Variants in CHKA observed in about 807,000 individuals in gnomAD.
CHKA encodes the protein choline kinase alpha, also known as CHETK-alpha.
A neutral mutation model predicts 60.1 loss-of-function variants in CHKA; 34 were observed. The ratio of observed to expected loss-of-function variants is 0.57; its 90% CI spans 0.43 to 0.75. The LOEUF (loss-of-function observed/expected upper bound fraction) is 0.75. Among genes scored for constraint, CHKA ranks in the 30% least tolerant of loss-of-function variants. The pLI, the probability that CHKA is intolerant of heterozygous loss-of-function variation, is 0.00. For synonymous variants in CHKA, 217 were observed against 223.1 expected, an observed-to-expected ratio of 0.97 and a Z score of 0.24; for missense variants, 563 against 561.3, an observed-to-expected ratio of 1.00 and a Z score of -0.03.
chr11:68,072,610 A>G (rs915450583), intron 4 of CHKA, among the ~76,000 whole-genome samples: 2 of 151,916 alleles, frequency 1.3e-5, no homozygotes, highest in African/African-American at 2.4e-5. Context: ...GTTGAATCAA[A>G]TGAAACTGCC....
chr11:68,064,429 A>T, intron 10 of CHKA, 96 bp downstream of exon 10: 1 of 587,436 alleles, frequency 1.7e-6, no homozygotes, highest in Admixed American at 4.0e-5. Context: ...AAGAAGAAGA[A>T]GCTCTAAAAT....
intron 11 of CHKA, among the ~76,000 whole-genome samples, chr11:68,057,145 C>G (rs1565170229): frequency 6.6e-6 from 1 of 152,292 alleles, no homozygotes; most frequent in East Asian, 1.9e-4. Flanking sequence ...GGGAGAACCA[C>G]CCCTGACGTG....
intron 11 of CHKA, among the ~76,000 whole-genome samples, chr11:68,055,552 A>C (rs1163221519): frequency 6.6e-6 from 1 of 152,232 alleles, no homozygotes; most frequent in Non-Finnish European, 1.5e-5. Context: ...GCAGCAGCGC[A>C]TGCGCATTCC....
intron 2 of CHKA, 200 bp from the exon 3 acceptor site, chr11:68,081,657 A>G: frequency 1.9e-6 from 1 of 513,888 alleles, no homozygotes; most frequent in Non-Finnish European, 3.5e-6. Flanking sequence ...AAAGTGCTTC[A>G]TTGCTTTACG....
chr11:68,108,796 C>A (rs1444408816), intron 1 of CHKA, among the ~76,000 whole-genome samples: 1 of 152,174 alleles, frequency 6.6e-6, no homozygotes, highest in Non-Finnish European at 1.5e-5. Flanking sequence ...ATTGGACAGA[C>A]AGACCGGCAG....
intron 1 of CHKA, among the ~76,000 whole-genome samples, chr11:68,115,373 G>T (rs968189049): frequency 6.6e-6 from 1 of 152,200 alleles, no homozygotes; most frequent in East Asian, 1.9e-4. Flanking sequence ...GCAAGAATAG[G>T]ATGTAGTGTG....
chr11:68,063,816 C>T (rs1352821263), intron 10 of CHKA, among the ~76,000 whole-genome samples: 4 of 152,172 alleles, frequency 2.6e-5, no homozygotes. Context: ...TTCTCTATCT[C>T]TCTGCCCCTC....
rs181432395 is a variant in CHKA at position 68,095,561 on chromosome 11, G to A, written c.462+1458C>T. On this transcript the variant is annotated intron_variant, in intron 2 of 11. Transcript: ENST00000265689. ...CGTCTCTACTAAAAATACAAAAAGT[G>A]AGCCAGGCGTGGTGGCAGGCACCTG... Among the ~76,000 whole-genome samples the A allele has an allele frequency of 3.4e-3, 474 of 137,744 alleles. 2 individuals carry two copies. Among genetic ancestry groups the A allele is most frequent in the African/African-American group, 0.012 (441 of 36,868 alleles). 90.4% of individuals were successfully genotyped at this position (137,744 alleles called of 152,430 possible). A position where few individuals can be genotyped will look rare whatever the true frequency, so the allele number is the denominator to read the frequency against.
intron 1 of CHKA, among the ~76,000 whole-genome samples, chr11:68,106,828 G>A (rs1227962715): frequency 2.0e-5 from 3 of 152,186 alleles, no homozygotes; most frequent in East Asian, 1.9e-4. Flanking sequence ...CAGCCTTGAC[G>A]CTTTGTATCT....
chr11:68,065,158 G>A (rs572156118), intron 9 of CHKA, among the ~76,000 whole-genome samples: 3 of 152,134 alleles, frequency 2.0e-5, no homozygotes, highest in Non-Finnish European at 4.4e-5. Context: ...TCTCTCCATA[G>A]TGTGAAATGA....
intron 1 of CHKA, among the ~76,000 whole-genome samples, chr11:68,100,937 CTTTTTTTT>C (rs758101816): frequency 2.6e-5 from 2 of 78,212 alleles, no homozygotes; most frequent in Non-Finnish European, 2.5e-5. Context: ...TAAAGAGGTT[CTTTTTTTT>C]TTTTTTTTTT....
intron 10 of CHKA, among the ~76,000 whole-genome samples, chr11:68,063,050 C>T (rs891914667): frequency 4.0e-4 from 61 of 152,166 alleles, no homozygotes; most frequent in African/African-American, 1.4e-3. Flanking sequence ...GACCTTTGCA[C>T]AATCTGGAAG....
At chr11:68,060,734 T>C (rs1181387040) in intron 11 of CHKA, among the ~76,000 whole-genome samples, 1 of 152,236 alleles carries the variant, frequency 6.6e-6, no homozygotes, top group Non-Finnish European at 1.5e-5. Flanking sequence ...ATGCCTTTAT[T>C]ATCACAAAAT....
chr11:68,092,537 C>T (rs1857383247), intron 2 of CHKA, among the ~76,000 whole-genome samples: 1 of 152,202 alleles, frequency 6.6e-6, no homozygotes, highest in Admixed American at 6.5e-5. Flanking sequence ...CTAAAGCACA[C>T]AGCAGCTGTT....
intron 1 of CHKA, among the ~76,000 whole-genome samples, chr11:68,099,153 G>T (rs1857614854): frequency 6.6e-6 from 1 of 152,154 alleles, no homozygotes; most frequent in Non-Finnish European, 1.5e-5. Context: ...ATTAGTGGTT[G>T]CCAGGAGCTG....
intron 7 of CHKA, 131 bp from the exon 8 acceptor site, chr11:68,066,647 T>C: frequency 1.4e-6 from 1 of 726,788 alleles, no homozygotes; most frequent in South Asian, 1.7e-5. Flanking sequence ...TCTGTGGACA[T>C]CACCAGGGCC....
chr11:68,099,541 G>A (rs1377388672), intron 1 of CHKA, among the ~76,000 whole-genome samples: 1 of 152,142 alleles, frequency 6.6e-6, no homozygotes, highest in Non-Finnish European at 1.5e-5. Context: ...AAAATAAAAG[G>A]GAACCCAAAG....
At chr11:68,082,525 AC>A in intron 2 of CHKA, 1 of 152,650 alleles carries the variant, frequency 6.6e-6, no homozygotes, top group East Asian at 1.9e-4. Context: ...AAATACCTGT[AC>A]CAAGGGTGGA....
chr11:68,070,335 C>A, intron 5 of CHKA, 42 bp from the exon 6 acceptor site: 1 of 1,348,418 alleles, frequency 7.4e-7, no homozygotes, highest in South Asian at 1.2e-5. Flanking sequence ...AAAGAATCAC[C>A]GATCAATTCA....
Sources: gnomAD v4.1 joint callset for allele counts (sites outside exome capture counted in the v4.1 genomes callset) on GRCh38, gnomAD v4.1.1 for gene constraint, MANE v1.5 for transcripts, NCBI Gene and HGNC (gene_info 2026-07-23, HGNC 2026-07-21) for gene names.